Variants in SYTL4 observed in about 807,000 individuals in gnomAD.
SYTL4 encodes synaptotagmin like 4, also known as synaptotagmin-like protein 4.
Under a neutral mutation model 52.7 loss-of-function variants are expected in SYTL4, and 16 were observed. The ratio of observed to expected loss-of-function variants is 0.30; its 90% CI spans 0.21 to 0.46. The LOEUF is 0.46. SYTL4 is among the 20% of genes least tolerant of loss of function. The pLI is 1.00. For synonymous variants in SYTL4, 160 were observed against 186.6 expected, an observed-to-expected ratio of 0.86 and a Z score of 1.16; for missense variants, 423 against 519.9, an observed-to-expected ratio of 0.81 and a Z score of 1.81.
At position 100,723,664 on chromosome X, in the gene SYTL4, G is replaced by A. The variant is rs1476387894; in HGVS notation, c.-240+7754C>T. 8.4e-5 allele frequency among the ~76,000 whole-genome samples: 9 copies of A among 106,964 alleles called. No individual in the cohort carries two copies. In the East Asian group the frequency reaches 2.1e-3, roughly 25 times the overall value. 92.9% of individuals were successfully genotyped at this position (106,964 alleles called of 115,157 possible). Reference sequence around the variant, plus strand: ...GAGCGTCTCTGCCCGGCCGCCCATCGTCTGAGATGTGGGGAGCGCCTCTGC... The same window carrying A: ...GAGCGTCTCTGCCCGGCCGCCCATCATCTGAGATGTGGGGAGCGCCTCTGC... On this transcript the variant is annotated intron_variant, in intron 2 of 19. Transcript: ENST00000372989.
chrX:100,701,983 G>A lies in SYTL4; in HGVS notation c.55C>T (p.Leu19Phe). The change falls in exon 5 of 20, where the codon CTC (leucine) becomes TTC (phenylalanine). Residue 19 changes from leucine (L) to phenylalanine (F), a missense_variant. By Grantham distance (22) the Leu-to-Phe change is conservative. Coordinates refer to ENST00000372989, the MANE Select transcript of SYTL4 (RefSeq NM_001370165.1). The stretch of plus-strand genomic sequence containing the variant: ...TCTTCATCTCGCTGTAGAACACTGA[G>A]AATCAAATCCTTTTCCTCCTCAGAC... ...FLSEEEKDLI[L>F]SVLQRDEEVR... 2 of 1,210,521 alleles carry A rather than the reference G, an allele frequency of 1.7e-6. No individual in the cohort carries two copies. Among genetic ancestry groups the A allele is most frequent in the Non-Finnish European group, 2.2e-6 (2 of 894,900 alleles).
intron 8 of SYTL4, among the ~76,000 whole-genome samples, chrX:100,697,471 A>G (rs758766466): frequency 5.3e-5 from 6 of 112,320 alleles, no homozygotes; most frequent in Non-Finnish European, 7.5e-5. Context: ...GTAAAATGAA[A>G]TAATAGTCTG....
At chrX:100,699,950 C>T (rs1423094085) in intron 8 of SYTL4, among the ~76,000 whole-genome samples, 1 of 110,814 alleles carries the variant, frequency 9.0e-6, no homozygotes. Context: ...ACCTTGAAAA[C>T]GTTAATGTTA....
Position 100,701,505 on chromosome X carries a change from T to C in SYTL4, c.279A>G (p.Ile93Met). The C allele has an allele frequency of 8.3e-7, 1 of 1,211,830 alleles. No homozygotes were observed. The highest frequency in any genetic ancestry group is 1.8e-5 in the South Asian group (1 of 56,984). The change falls in exon 6 of 20, where the codon ATA becomes ATG. Residue 93 changes from isoleucine (I) to methionine (M), a missense_variant. Ile to Met is a conservative substitution (Grantham distance 10). Coordinates refer to ENST00000372989, the MANE Select transcript of SYTL4 (RefSeq NM_001370165.1). ...ACCTCCAGGTACCATTGCTTTCCTGTATGCGGCAGTCCCGACACACCAGGT... is the reference window on the plus strand; with the variant it reads ...ACCTCCAGGTACCATTGCTTTCCTGCATGCGGCAGTCCCGACACACCAGGT... Reference protein sequence around the residue: ...CNHLVCRDCRIQESNGTWRCK... With the variant: ...CNHLVCRDCRMQESNGTWRCK...
At chrX:100,724,044 C>T (rs1405510054) in intron 2 of SYTL4, among the ~76,000 whole-genome samples, 1 of 100,032 alleles carries the variant, frequency 1.0e-5, no homozygotes, top group African/African-American at 3.8e-5. Context: ...CCCAGCCAGC[C>T]GCCCCGTCCG....
Position 100,674,528 on chromosome X carries a change from A to G in SYTL4, c.*1500T>C, listed in dbSNP as rs1011465222. The G allele has an allele frequency of 1.8e-5, 2 of 112,300 alleles. No homozygotes were observed. The highest frequency in any genetic ancestry group is 3.7e-4 in the South Asian group (1 of 2,671). The allele number at this position is 112,300 out of a possible 1,213,427, so 9.3% of individuals were successfully genotyped here. ...GAAAGCTTTATTAAAGCACACATAC[A>G]TGTCAGGGGGGTGGGAAACAAAAGA... On this transcript the variant is annotated 3_prime_UTR_variant, in exon 20 of 20. Transcript: ENST00000372989.
rs749034988 is a variant in SYTL4, at chrX:100,688,395, G to A, written c.961C>T (p.Arg321Cys). ...EDIDHLVKLH[R>C]QKLARSSMQS... Reference sequence around the variant, plus strand: ...ATGCTGCTTCTGGCTAGCTTCTGGCGATGTAACTTCACTAGGTGGTCAATG... The same window carrying A: ...ATGCTGCTTCTGGCTAGCTTCTGGCAATGTAACTTCACTAGGTGGTCAATG... Residue 321 changes from arginine to cysteine, a missense_variant, in exon 13 of 20, where the codon CGC becomes TGC. Transcript: ENST00000372989. 6 of 1,210,381 alleles carry A rather than the reference G, an allele frequency of 5.0e-6. No individual in the cohort carries two copies. The highest frequency in any genetic ancestry group is 1.8e-5 in the South Asian group (1 of 56,868).
rs994310483 is a variant in SYTL4 at position 100,688,432 on chromosome X, T to C, written c.924A>G (p.Glu308=). ...CTAGGTGGTCAATGTCTTCTTCTTC[T>C]TCTTCCTCTTCCTGGAACAATAAAT... ...PGLNVDMEEE[E]EEEDIDHLVK... Residue 308 remains glutamate, a synonymous_variant, in exon 13 of 20, where the codon GAA becomes GAG. Coordinates refer to ENST00000372989, the MANE Select transcript of SYTL4 (RefSeq NM_001370165.1). The C allele has an allele frequency of 1.0e-5, 12 of 1,203,236 alleles. No individual in the cohort carries two copies. The highest frequency in any genetic ancestry group is 1.0e-5 in the Non-Finnish European group (9 of 889,242).
chrX:100,681,226 C>G lies in SYTL4; in HGVS notation c.1558+1G>C, dbSNP rs762173131. ...CATCCAGGACCCCAAAGAAAACTCACTCTTTTTCCGGTCACCTCCAACAGG... is the reference window on the plus strand; with the variant it reads ...CATCCAGGACCCCAAAGAAAACTCAGTCTTTTTCCGGTCACCTCCAACAGG... On this transcript the variant is annotated splice_donor_variant, in intron 17 of 19. Coordinates refer to ENST00000372989, the MANE Select transcript of SYTL4 (RefSeq NM_001370165.1). LOFTEE classifies it high-confidence loss of function. 2 of 1,204,394 alleles carry G rather than the reference C, an allele frequency of 1.7e-6. No homozygotes were observed. Among genetic ancestry groups the G allele is most frequent in the Non-Finnish European group, 2.2e-6 (2 of 889,146 alleles).
chrX:100,714,323 G>A (rs1475192606), intron 2 of SYTL4, among the ~76,000 whole-genome samples: 4 of 106,398 alleles, frequency 3.8e-5, no homozygotes, highest in Non-Finnish European at 7.7e-5. Flanking sequence ...GCAGTGGCAC[G>A]ATCTTGGCTC....
At chrX:100,724,001 T>G (rs1291549490) in intron 2 of SYTL4, among the ~76,000 whole-genome samples, 1 of 83,663 alleles carries the variant, frequency 1.2e-5, no homozygotes, top group African/African-American at 5.3e-5. Context: ...AGCCGCCCCG[T>G]CCGGGAGGGA....
intron 7 of SYTL4, 107 bp from the exon 8 acceptor site, chrX:100,701,106 G>T: frequency 1.1e-6 from 1 of 881,379 alleles, no homozygotes; most frequent in Non-Finnish European, 1.7e-6. Flanking sequence ...CAGAAGGGAT[G>T]ACAATACAAT....
intron 18 of SYTL4, 85 bp downstream of exon 18, chrX:100,679,228 G>A: frequency 1.3e-6 from 1 of 799,841 alleles, no homozygotes; most frequent in Non-Finnish European, 1.8e-6. Flanking sequence ...AGACACACTG[G>A]ATAATATCCA....
intron 2 of SYTL4, among the ~76,000 whole-genome samples, chrX:100,726,234 AC>A (rs1316264040): frequency 9.1e-6 from 1 of 110,206 alleles, no homozygotes; most frequent in African/African-American, 3.3e-5. Context: ...CCATTTTAAA[AC>A]TTTTTTCCAG....
chrX:100,717,264 A>C (rs1365718758), intron 2 of SYTL4, among the ~76,000 whole-genome samples: 3 of 111,698 alleles, frequency 2.7e-5, no homozygotes, highest in African/African-American at 6.5e-5. Context: ...TAAAAAAAAA[A>C]CATGGTAACC....
At position 100,686,094 on chromosome X, in the gene SYTL4, G is replaced by C. The variant is rs755219463; in HGVS notation, c.1345C>G (p.His449Asp). 4.5e-5 allele frequency: 55 copies of C among 1,208,980 alleles called. No homozygotes were observed. Among genetic ancestry groups the C allele is most frequent in the Non-Finnish European group, 5.9e-5 (53 of 894,688 alleles). The change falls in exon 16 of 20, where the codon CAT becomes GAT. Residue 449 changes from histidine (H) to aspartate (D), a missense_variant. His to Asp is a moderately conservative substitution (Grantham distance 81). Coordinates refer to ENST00000372989, the MANE Select transcript of SYTL4 (RefSeq NM_001370165.1). Reference protein sequence around the residue: ...QRTLQFSVWHHGRFGRNTFLG... With the variant: ...QRTLQFSVWHDGRFGRNTFLG... ...AAAGTGTTTCTGCCAAAACGACCAT[G>C]ATGCCAAACTGAGAACTGCAGGGTC...
chrX:100,715,275 G>A (rs1047244784), intron 2 of SYTL4, among the ~76,000 whole-genome samples: 4 of 111,522 alleles, frequency 3.6e-5, no homozygotes, highest in Non-Finnish European at 5.7e-5. Flanking sequence ...CTCCTGCCTC[G>A]GCCTCCCAAA....
chrX:100,717,105 C>T (rs1425590685), intron 2 of SYTL4, among the ~76,000 whole-genome samples: 1 of 111,964 alleles, frequency 8.9e-6, no homozygotes, highest in South Asian at 3.7e-4. Flanking sequence ...TGTCCTAGAG[C>T]TCTGTATTCT....
chrX:100,717,706 G>C (rs1018039131), intron 2 of SYTL4, among the ~76,000 whole-genome samples: 4 of 112,152 alleles, frequency 3.6e-5, no homozygotes, highest in Middle Eastern at 4.2e-3. Context: ...ATTTGAGGAG[G>C]CTGTGGCATA....
Sources: gnomAD v4.1 joint callset for allele counts (sites outside exome capture counted in the v4.1 genomes callset) on GRCh38, gnomAD v4.1.1 for gene constraint, MANE v1.5 for transcripts, NCBI Gene and HGNC (gene_info 2026-07-23, HGNC 2026-07-21) for gene names.